NRG3: variants seen among roughly 807,000 people sequenced by gnomAD.
NRG3 encodes pro-neuregulin-3, membrane-bound isoform.
Under a neutral mutation model 66.9 loss-of-function variants are expected in NRG3, and 31 were observed. That is an observed-to-expected ratio of 0.46 (90% CI 0.35 to 0.63). The LOEUF (loss-of-function observed/expected upper bound fraction) is 0.63. NRG3 is among the 20% of genes least tolerant of loss of function. The pLI, the probability that NRG3 is intolerant of heterozygous loss-of-function variation, is 0.00. For synonymous variants in NRG3, 393 were observed against 359.4 expected (o/e 1.09, Z -1.06); for missense variants, 910 against 878.9 (o/e 1.04, Z -0.45).
At chr10:82,839,533 TTC>T (rs1274620051) in intron 3 of NRG3, among the ~76,000 whole-genome samples, 1 of 151,642 alleles carries the variant, frequency 6.6e-6, no homozygotes, top group African/African-American at 2.4e-5. Context: ...AGTATTTATT[TTC>T]TTTTATATTT....
chr10:81,975,425 G>T lies in NRG3; in HGVS notation c.823+99262G>T, dbSNP rs1261536609. On this transcript the variant is annotated intron_variant, in intron 1 of 8. Transcript: ENST00000372141. ...TAATGCATGACATTTATCATGGCAGGTGTCTCAGTCTGGGTTTTCCCAGAA... is the reference window on the plus strand; with the variant it reads ...TAATGCATGACATTTATCATGGCAGTTGTCTCAGTCTGGGTTTTCCCAGAA... 2.6e-5 allele frequency among the ~76,000 whole-genome samples: 4 copies of T among 151,858 alleles called. No homozygotes were observed. In the East Asian group the frequency reaches 7.7e-4, roughly 29 times the overall value.
chr10:82,055,511 G>A (rs900416732), intron 1 of NRG3, among the ~76,000 whole-genome samples: 1 of 151,050 alleles, frequency 6.6e-6, no homozygotes, highest in Admixed American at 6.6e-5. Flanking sequence ...ACAAAAAACA[G>A]TTTTAGTGTA....
chr10:82,268,788 A>T (rs1339091121), intron 1 of NRG3, among the ~76,000 whole-genome samples: 1 of 152,170 alleles, frequency 6.6e-6, no homozygotes, highest in African/African-American at 2.4e-5. Context: ...GGATGGGGTA[A>T]TGGGGGATAG....
At chr10:82,936,033 G>T (rs1382269374) in intron 4 of NRG3, among the ~76,000 whole-genome samples, 1 of 152,132 alleles carries the variant, frequency 6.6e-6, no homozygotes, top group Non-Finnish European at 1.5e-5. Context: ...GTATACAGGG[G>T]TATGGATCAT....
chr10:82,358,702 C>A, intron 1 of NRG3, 37 bp from the exon 2 acceptor site: 1 of 1,612,984 alleles, frequency 6.2e-7, no homozygotes, highest in Non-Finnish European at 8.5e-7. Flanking sequence ...TCAGAATGTA[C>A]TGCTGACAGC....
chr10:82,335,462 T>C (rs1305322903), intron 1 of NRG3, among the ~76,000 whole-genome samples: 1 of 152,188 alleles, frequency 6.6e-6, no homozygotes. Flanking sequence ...TCATTCTCAT[T>C]GACAGGTAGG....
At chr10:82,380,086 G>T (rs999473018) in intron 2 of NRG3, among the ~76,000 whole-genome samples, 1 of 151,878 alleles carries the variant, frequency 6.6e-6, no homozygotes, top group Admixed American at 6.6e-5. Flanking sequence ...CAGTTTGTTG[G>T]ATATTTACCC....
chr10:82,419,775 A>G (rs138665323), intron 2 of NRG3, among the ~76,000 whole-genome samples: 172 of 152,338 alleles, frequency 1.1e-3, no homozygotes, highest in African/African-American at 4.0e-3. Context: ...ACACAGTGAC[A>G]TGATCTTTTA....
At chr10:82,096,118 G>A (rs1000627197) in intron 1 of NRG3, among the ~76,000 whole-genome samples, 4 of 152,168 alleles carry the variant, frequency 2.6e-5, no homozygotes, top group African/African-American at 7.2e-5. Context: ...ATGGAACATA[G>A]CATGGAATCT....
intron 1 of NRG3, among the ~76,000 whole-genome samples, chr10:81,931,731 C>G (rs1464468747): frequency 6.6e-6 from 1 of 152,170 alleles, no homozygotes; most frequent in African/African-American, 2.4e-5. Flanking sequence ...CCCCCTTTTC[C>G]CAATAGTACT....
At chr10:82,782,191 G>A (rs1565309657) in intron 3 of NRG3, among the ~76,000 whole-genome samples, 1 of 152,154 alleles carries the variant, frequency 6.6e-6, no homozygotes, top group Non-Finnish European at 1.5e-5. Flanking sequence ...TTTTTAAAGA[G>A]ATGATTAAGT....
chr10:82,500,744 A>G (rs967990394), intron 2 of NRG3, among the ~76,000 whole-genome samples: 2 of 152,298 alleles, frequency 1.3e-5, no homozygotes, highest in Admixed American at 6.5e-5. Context: ...TTTTGGTTCT[A>G]TGTGTCTAAG....
intron 1 of NRG3, among the ~76,000 whole-genome samples, chr10:82,257,747 A>G (rs1387916801): frequency 6.6e-6 from 1 of 152,176 alleles, no homozygotes. Flanking sequence ...AGCCTATGTG[A>G]CAGAGCAAGA....
intron 2 of NRG3, among the ~76,000 whole-genome samples, chr10:82,553,401 C>A (rs2044453633): frequency 6.6e-6 from 1 of 151,950 alleles, no homozygotes; most frequent in Non-Finnish European, 1.5e-5. Context: ...GATCTAAATT[C>A]TCTTTTATAT....
intron 4 of NRG3, among the ~76,000 whole-genome samples, chr10:82,947,075 CA>C (rs1849098312): frequency 6.6e-6 from 1 of 152,120 alleles, no homozygotes; most frequent in Non-Finnish European, 1.5e-5. Context: ...CTGTAACTCC[CA>C]AAAGTTTCCC....
At chr10:82,176,665 A>G (rs1315136170) in intron 1 of NRG3, among the ~76,000 whole-genome samples, 6 of 151,836 alleles carry the variant, frequency 4.0e-5, no homozygotes, top group Non-Finnish European at 5.9e-5. Flanking sequence ...TCTACAGGAG[A>G]AGCTGATTTA....
chr10:82,145,129 A>G (rs1203230565), intron 1 of NRG3, among the ~76,000 whole-genome samples: 2 of 152,112 alleles, frequency 1.3e-5, no homozygotes, highest in African/African-American at 4.8e-5. Context: ...GTCATAACCC[A>G]TTGCCATAGC....
chr10:82,497,902 G>T (rs1229053740), intron 2 of NRG3, among the ~76,000 whole-genome samples: 1 of 152,110 alleles, frequency 6.6e-6, no homozygotes, highest in Non-Finnish European at 1.5e-5. Context: ...ACCAACACTT[G>T]TTGCCTCTTG....
chr10:81,989,140 C>A (rs376885994), intron 1 of NRG3, among the ~76,000 whole-genome samples: 5 of 152,228 alleles, frequency 3.3e-5, no homozygotes, highest in African/African-American at 1.2e-4. Context: ...ACCCTTATTT[C>A]TGGCTATAGG....
Sources: allele counts gnomAD v4.1 joint callset (sites outside exome capture counted in the v4.1 genomes callset), GRCh38; gene constraint gnomAD v4.1.1; transcripts MANE v1.5; gene names NCBI Gene and HGNC (gene_info 2026-07-23, HGNC 2026-07-21).